The following SPAG16 variants were observed in gnomAD, a reference collection of about 807,000 sequenced individuals.
SPAG16 encodes sperm-associated antigen 16 protein.
In SPAG16, 86 loss-of-function variants were observed where a neutral mutation model predicts 80.4. The observed-to-expected ratio is 1.07, with a 90% CI of 0.90 to 1.28. The LOEUF is 1.28. SPAG16 is among the 50% of genes most tolerant of loss of function. The pLI, the probability that SPAG16 is intolerant of heterozygous loss-of-function variation, is 0.00. For synonymous variants in SPAG16, 294 were observed against 265.9 expected, an observed-to-expected ratio of 1.11 and a Z score of -1.03; for missense variants, 870 against 765.3, an observed-to-expected ratio of 1.14 and a Z score of -1.61.
At chr2:214,021,647 A>G (rs1275019768) in intron 13 of SPAG16, among the ~76,000 whole-genome samples, 3 of 152,084 alleles carry the variant, frequency 2.0e-5, no homozygotes, top group African/African-American at 7.2e-5. Context: ...CCTAAAATTA[A>G]CCAACTTATA....
At chr2:214,324,716 C>G (rs1696350181) in intron 15 of SPAG16, among the ~76,000 whole-genome samples, 1 of 152,128 alleles carries the variant, frequency 6.6e-6, no homozygotes, top group South Asian at 2.1e-4. Context: ...TTCTGATATT[C>G]CATCCCACCC....
At chr2:213,951,783 T>C (rs1559623176) in intron 12 of SPAG16, among the ~76,000 whole-genome samples, 2 of 152,132 alleles carry the variant, frequency 1.3e-5, no homozygotes, top group Admixed American at 6.5e-5. Flanking sequence ...GAGTCACACA[T>C]TCATATTTAA....
At chr2:214,020,558 G>C (rs939292917) in intron 13 of SPAG16, among the ~76,000 whole-genome samples, 1 of 152,072 alleles carries the variant, frequency 6.6e-6, no homozygotes, top group African/African-American at 2.4e-5. Context: ...ATTAATGACT[G>C]TAATTCAGTG....
At chr2:213,605,170 A>G (rs1271116716) in intron 10 of SPAG16, among the ~76,000 whole-genome samples, 9 of 152,124 alleles carry the variant, frequency 5.9e-5, no homozygotes, top group Non-Finnish European at 8.8e-5. Flanking sequence ...CTTGTAGCCA[A>G]TCACACTTTA....
chr2:214,007,836 G>T (rs77564586), intron 12 of SPAG16, among the ~76,000 whole-genome samples: 2,925 of 152,178 alleles, frequency 0.019, 47 homozygotes, highest in Middle Eastern at 0.034. Flanking sequence ...GGATTTTGCT[G>T]AGCTTTTTCA....
intron 5 of SPAG16, among the ~76,000 whole-genome samples, chr2:213,332,496 A>G (rs1264521102): frequency 6.6e-6 from 1 of 152,122 alleles, no homozygotes; most frequent in Non-Finnish European, 1.5e-5. Context: ...AACAATTCCG[A>G]AAAATACAGG....
At position 213,895,006 on chromosome 2, in the gene SPAG16, A is replaced by C. The variant is rs868821686; in HGVS notation, c.1214+32378A>C. On this transcript the variant is annotated intron_variant, in intron 11 of 15. Coordinates refer to ENST00000331683, the MANE Select transcript of SPAG16 (RefSeq NM_024532.5). The stretch of plus-strand genomic sequence containing the variant: ...CCATCTCAAAAAAAAAAAAAAAAAA[A>C]AAAAAAAAAAAAACTGAAAGACTCT... Among the ~76,000 whole-genome samples, 7 of 149,906 alleles carry C rather than the reference A, an allele frequency of 4.7e-5. No individual in the cohort carries two copies. The South Asian group carries it at 6.3e-4, about 13-fold the overall frequency.
intron 9 of SPAG16, among the ~76,000 whole-genome samples, chr2:213,401,729 T>A (rs1037981539): frequency 2.6e-5 from 4 of 152,180 alleles, no homozygotes; most frequent in Non-Finnish European, 5.9e-5. Flanking sequence ...GTTTTCCACT[T>A]ATTTTGATTA....
At chr2:213,960,788 G>T (rs1021229719) in intron 12 of SPAG16, among the ~76,000 whole-genome samples, 1 of 152,208 alleles carries the variant, frequency 6.6e-6, no homozygotes, top group Admixed American at 6.5e-5. Flanking sequence ...ATAGGAAAAT[G>T]ATACTGGCCT....
rs528390340 is a variant in SPAG16 at position 213,976,274 on chromosome 2, G to A, written c.1401-37677G>A. Among the ~76,000 whole-genome samples the A allele has an allele frequency of 1.1e-4, 17 of 150,434 alleles. No individual in the cohort carries two copies. The South Asian group carries it at 3.4e-3, about 30-fold the overall frequency. On this transcript the variant is annotated intron_variant, in intron 12 of 15. Coordinates refer to ENST00000331683, the MANE Select transcript of SPAG16 (RefSeq NM_024532.5). ...CGTGTATATACACACATATACATAT[G>A]CGTACACATGTGTGCACATATGCAT...
At chr2:214,233,210 G>A (rs528614971) in intron 15 of SPAG16, among the ~76,000 whole-genome samples, 2 of 151,952 alleles carry the variant, frequency 1.3e-5, no homozygotes, top group African/African-American at 4.8e-5. Flanking sequence ...GCACAAGAGG[G>A]TTATCTTCTG....
At chr2:213,738,787 CT>C (rs990649968) in intron 10 of SPAG16, among the ~76,000 whole-genome samples, 7 of 152,124 alleles carry the variant, frequency 4.6e-5, no homozygotes, top group African/African-American at 1.7e-4. Flanking sequence ...TAGGATTGCA[CT>C]TTTTAGGGGC....
At chr2:213,724,741 C>T (rs138898923) in intron 10 of SPAG16, among the ~76,000 whole-genome samples, 3,257 of 123,444 alleles carry the variant, frequency 0.026, 87 homozygotes, top group African/African-American at 0.075. Context: ...AGCACCACTG[C>T]ACTCCAGCCT....
intron 15 of SPAG16, among the ~76,000 whole-genome samples, chr2:214,402,438 T>C (rs1008558172): frequency 6.6e-6 from 1 of 152,008 alleles, no homozygotes; most frequent in Non-Finnish European, 1.5e-5. Flanking sequence ...TTTTCTTAAT[T>C]CTTAAATTAA....
chr2:214,085,604 T>C (rs2051688299), intron 13 of SPAG16, among the ~76,000 whole-genome samples: 1 of 152,180 alleles, frequency 6.6e-6, no homozygotes, highest in African/African-American at 2.4e-5. Context: ...TACACTGCCT[T>C]TAAAAATTTT....
At chr2:213,937,321 G>T (rs183260438) in intron 12 of SPAG16, among the ~76,000 whole-genome samples, 11,024 of 151,992 alleles carry the variant, frequency 0.073, 632 homozygotes, top group African/African-American at 0.15. Flanking sequence ...ATTAATACCT[G>T]TCTTATATTG....
intron 10 of SPAG16, among the ~76,000 whole-genome samples, chr2:213,633,224 C>A (rs1412841137): frequency 6.6e-6 from 1 of 152,082 alleles, no homozygotes; most frequent in Non-Finnish European, 1.5e-5. Flanking sequence ...GGAATTTGAC[C>A]ATTTCTTCCA....
chr2:213,331,098 G>T (rs558929304), intron 5 of SPAG16, among the ~76,000 whole-genome samples: 1 of 152,298 alleles, frequency 6.6e-6, no homozygotes, highest in African/African-American at 2.4e-5. Flanking sequence ...TCTATCAGGG[G>T]TAGAGAGTTT....
At chr2:214,298,274 T>G (rs1347139974) in intron 15 of SPAG16, among the ~76,000 whole-genome samples, 1 of 152,054 alleles carries the variant, frequency 6.6e-6, no homozygotes, top group Admixed American at 6.6e-5. Flanking sequence ...TCTGATTTTT[T>G]GTACATTGAT....
Sources: allele counts gnomAD v4.1 joint callset (sites outside exome capture counted in the v4.1 genomes callset), GRCh38; gene constraint gnomAD v4.1.1; transcripts MANE v1.5; gene names NCBI Gene and HGNC (gene_info 2026-07-23, HGNC 2026-07-21).